CD46: variants seen among roughly 807,000 people sequenced by gnomAD.
CD46 encodes the protein CD46 molecule.
In CD46, 30 loss-of-function variants were observed where a neutral mutation model predicts 53.3. The ratio of observed to expected loss-of-function variants is 0.56; its 90% CI spans 0.42 to 0.76. The LOEUF (loss-of-function observed/expected upper bound fraction) is 0.76, where lower values mean the gene tolerates loss of function less well. CD46 is among the 30% of genes least tolerant of loss of function. CD46 has a pLI of 0.00. For synonymous variants in CD46, 142 were observed against 152.0 expected (o/e 0.93, Z 0.48); for missense variants, 409 against 463.0 (o/e 0.88, Z 1.07).
intron 8 of CD46, among the ~76,000 whole-genome samples, chr1:207,782,253 G>A (rs1658814949): frequency 6.6e-6 from 1 of 152,094 alleles, no homozygotes; most frequent in South Asian, 2.1e-4. Context: ...ACTGAGTTTT[G>A]TATGTTGATT....
At position 207,775,370 on chromosome 1, in the gene CD46, A is replaced by G. The variant is rs139382466; in HGVS notation, c.943+5008A>G. ...TGTTATTACTGACCTTCTGAAACCT[A>G]CTTCTGTTAACTCATCAAACTCATT... On this transcript the variant is annotated intron_variant, in intron 8 of 12. Transcript: ENST00000367042. Among the ~76,000 whole-genome samples the G allele has an allele frequency of 5.6e-3, 850 of 152,228 alleles. 15 individuals are homozygous for G. The highest frequency in any genetic ancestry group is 0.02 in the African/African-American group (820 of 41,544).
chr1:207,754,417 C>G (rs747823831), intron 1 of CD46, among the ~76,000 whole-genome samples: 2 of 152,168 alleles, frequency 1.3e-5, no homozygotes, highest in African/African-American at 2.4e-5. Context: ...ACATACAACC[C>G]AGTTCAAGTC....
intron 5 of CD46, among the ~76,000 whole-genome samples, chr1:207,764,873 G>A (rs1656666948): frequency 6.6e-6 from 1 of 152,168 alleles, no homozygotes; most frequent in African/African-American, 2.4e-5. Context: ...ACCATCTAAG[G>A]AATAAATCAC....
chr1:207,761,191 T>C, intron 4 of CD46, 58 bp from the exon 5 acceptor site: 1 of 1,124,150 alleles, frequency 8.9e-7, no homozygotes, highest in Non-Finnish European at 1.3e-6. Flanking sequence ...ACACAGAAAT[T>C]TTACTAATGC....
chr1:207,770,211 AGT>A (rs1415385139), intron 7 of CD46, 108 bp from the exon 8 acceptor site: 9 of 800,670 alleles, frequency 1.1e-5, no homozygotes, highest in Non-Finnish European at 1.7e-5. Flanking sequence ...AAGTTTGTAA[AGT>A]GTGTAGTTTT....
At chr1:207,770,398 AATTT>A in intron 8 of CD46, 36 bp downstream of exon 8, 4 of 1,404,498 alleles carry the variant, frequency 2.8e-6, no homozygotes, top group African/African-American at 1.4e-5. Flanking sequence ...TATTGTTAAG[AATTT>A]ATTTATTTAT....
At chr1:207,755,326 G>T (rs1013422314) in intron 1 of CD46, among the ~76,000 whole-genome samples, 1 of 152,160 alleles carries the variant, frequency 6.6e-6, no homozygotes, top group Non-Finnish European at 1.5e-5. Flanking sequence ...ATCAAGACAG[G>T]TATGAAACCT....
intron 7 of CD46, 49 bp from the exon 8 acceptor site, chr1:207,770,272 A>G (rs370124655): frequency 6.3e-5 from 83 of 1,308,380 alleles, no homozygotes; most frequent in Non-Finnish European, 9.2e-5. Context: ...TCATAATTTT[A>G]TATTGATAAG....
At chr1:207,780,721 C>A (rs1658654213) in intron 8 of CD46, among the ~76,000 whole-genome samples, 2 of 152,134 alleles carry the variant, frequency 1.3e-5, no homozygotes, top group African/African-American at 4.8e-5. Context: ...TCCACCAACA[C>A]TTATTAAATT....
chr1:207,754,321 T>C (rs1409490502), intron 1 of CD46, among the ~76,000 whole-genome samples: 1 of 152,162 alleles, frequency 6.6e-6, no homozygotes, highest in Non-Finnish European at 1.5e-5. Flanking sequence ...ACAGTCTCGC[T>C]CTTCTGCAAA....
At chr1:207,791,267 TTTCTC>T (rs912454438) in intron 12 of CD46, among the ~76,000 whole-genome samples, 1 of 152,076 alleles carries the variant, frequency 6.6e-6, no homozygotes, top group Non-Finnish European at 1.5e-5. Context: ...TATATACTGT[TTTCTC>T]TTAAGCATGT....
chr1:207,772,378 T>C (rs1343739241), intron 8 of CD46, among the ~76,000 whole-genome samples: 1 of 152,242 alleles, frequency 6.6e-6, no homozygotes, highest in Non-Finnish European at 1.5e-5. Flanking sequence ...CTTTTCCTAA[T>C]TGAATACCCT....
intron 1 of CD46, among the ~76,000 whole-genome samples, chr1:207,753,295 CCTG>C (rs1255657713): frequency 6.6e-6 from 1 of 152,156 alleles, no homozygotes; most frequent in Non-Finnish European, 1.5e-5. Context: ...CTTGTTTTCC[CCTG>C]CAGCTCATAA....
At chr1:207,778,432 A>C (rs985929973) in intron 8 of CD46, among the ~76,000 whole-genome samples, 2 of 151,570 alleles carry the variant, frequency 1.3e-5, no homozygotes, top group Admixed American at 6.6e-5. Context: ...TTACATGCAA[A>C]TCTTTAATCC....
At position 207,752,401 on chromosome 1, in the gene CD46, G is replaced by C; in HGVS notation, c.97+92G>C. 4 of 1,213,256 alleles carry C rather than the reference G, an allele frequency of 3.3e-6. No individual in the cohort carries two copies. The South Asian group carries it at 3.6e-5, about 11-fold the overall frequency. The allele number at this position is 1,213,256 out of a possible 1,614,324, so 75.2% of individuals were successfully genotyped here. ...CGCGGGGCGGGGCTCACAGCAGGCC[G>C]TGCCTGTTTGGGGACAGGGTTCTCT... On this transcript the variant is annotated intron_variant, in intron 1 of 12. Transcript: ENST00000367042. The surrounding 1 kb of genome is among the most constrained non-coding windows in gnomAD (Gnocchi z 4.1).
chr1:207,787,213 G>T (rs1340053661), intron 11 of CD46, among the ~76,000 whole-genome samples: 1 of 152,098 alleles, frequency 6.6e-6, no homozygotes, highest in African/African-American at 2.4e-5. Flanking sequence ...TGGGATTACA[G>T]TCGTGCACCA....
At position 207,762,548 on chromosome 1, in the gene CD46, T is replaced by C. The variant is rs570917303; in HGVS notation, c.673+1102T>C. 3 of 152,182 alleles carry C rather than the reference T, an allele frequency of 2.0e-5. No individual in the cohort carries two copies. The East Asian group carries it at 5.8e-4, about 29-fold the overall frequency. The allele number at this position is 152,182 out of a possible 1,614,324, so 9.4% of individuals were successfully genotyped here. ...ACAAAAAAAGACGCAAATTAACCAA[T>C]ACTGAGAATGAAAGAAGTGGTGGCC... On this transcript the variant is annotated intron_variant, in intron 5 of 12. Transcript: ENST00000367042.
intron 8 of CD46, among the ~76,000 whole-genome samples, chr1:207,781,993 A>G (rs2488258): frequency 0.99 from 151,123 of 152,140 alleles, 75,068 homozygotes; most frequent in Non-Finnish European, 1. Flanking sequence ...GGGTTGCACT[A>G]AATCTGAAGA....
At chr1:207,765,032 C>G (rs886205591) in intron 5 of CD46, among the ~76,000 whole-genome samples, 6 of 149,656 alleles carry the variant, frequency 4.0e-5, no homozygotes, top group African/African-American at 1.5e-4. Context: ...GAACACAGGA[C>G]CAAAAATCTT....
Sources: allele counts gnomAD v4.1 joint callset (sites outside exome capture counted in the v4.1 genomes callset), GRCh38; gene constraint gnomAD v4.1.1; non-coding constraint Gnocchi (gnomAD v3.1); transcripts MANE v1.5; gene names NCBI Gene and HGNC (gene_info 2026-07-23, HGNC 2026-07-21).